The following CHL1 variants were observed in gnomAD, a reference collection of about 807,000 sequenced individuals.
CHL1 encodes the protein neural cell adhesion molecule L1-like protein.
CHL1 carries 96 observed loss-of-function variants against 141.9 expected under a neutral mutation model. The ratio of observed to expected loss-of-function variants is 0.68; its 90% CI spans 0.57 to 0.80. The LOEUF is 0.80. CHL1 is among the 30% of genes least tolerant of loss of function. The pLI is 0.00. For synonymous variants in CHL1, 613 were observed against 502.2 expected (o/e 1.22, Z -2.95); for missense variants, 1,820 against 1,457.2 (o/e 1.25, Z -4.05).
chr3:337,731 T>C (rs1702018947), intron 5 of CHL1, among the ~76,000 whole-genome samples: 1 of 152,200 alleles, frequency 6.6e-6, no homozygotes, highest in African/African-American at 2.4e-5. Context: ...TTCCATGGTG[T>C]ATATGTGCCA....
chr3:227,346 C>T (rs1179577949), intron 1 of CHL1, among the ~76,000 whole-genome samples: 2 of 152,176 alleles, frequency 1.3e-5, no homozygotes, highest in Non-Finnish European at 2.9e-5. Flanking sequence ...CACCTGTGTG[C>T]AAGCTCCAGT....
In CHL1 at chr3:342,067, C is replaced by G; in HGVS notation, c.664C>G (p.Leu222Val). 1 of 1,610,512 alleles carries G rather than the reference C, an allele frequency of 6.2e-7. No individual in the cohort carries two copies. The highest frequency in any genetic ancestry group is 8.5e-7 in the Non-Finnish European group (1 of 1,177,164). The change falls in exon 7 of 28, where the codon CTA becomes GTA. Residue 222 changes from leucine (L) to valine (V), a missense_variant. By Grantham distance (32) the Leu-to-Val change is conservative. Transcript: ENST00000256509. ...TATTGTACAGAAAATGCCAATGAAACTAACAGTTAACAGTTGTAAGTCCAC... is the reference window on the plus strand; with the variant it reads ...TATTGTACAGAAAATGCCAATGAAAGTAACAGTTAACAGTTGTAAGTCCAC... Reference protein sequence around the residue: ...RTIVQKMPMKLTVNSLKHAND... With the variant: ...RTIVQKMPMKVTVNSLKHAND...
rs773873673 is a variant in CHL1 at position 366,085 on chromosome 3, C to A, written c.1721C>A (p.Ala574Asp). Residue 574 changes from alanine to aspartate, a missense_variant, in exon 15 of 28, where the codon GCC becomes GAC. Transcript: ENST00000256509. ...LKLSWSKDGE[A>D]FEINGTEDGR... ...TTGTCCTGGAGTAAAGATGGAGAAG[C>A]CTTTGAAATTAATGGCACAGAAGAT... 4 of 1,613,532 alleles carry A rather than the reference C, an allele frequency of 2.5e-6. No homozygotes were observed. The South Asian group carries it at 3.3e-5, about 13-fold the overall frequency.
At chr3:399,221 T>C (rs1443015414) in intron 26 of CHL1, 73 bp downstream of exon 26, 4 of 1,310,538 alleles carry the variant, frequency 3.1e-6, no homozygotes, top group Non-Finnish European at 4.4e-6. Flanking sequence ...CAGAGACAAC[T>C]TTTTTTAAAA....
At chr3:345,099 A>G (rs1263443701) in intron 9 of CHL1, among the ~76,000 whole-genome samples, 1 of 152,340 alleles carries the variant, frequency 6.6e-6, no homozygotes, top group East Asian at 1.9e-4. Context: ...TTCAGGCAGT[A>G]ACAGGCTCAT....
intron 1 of CHL1, chr3:198,238 C>A (rs72619595): frequency 0.47 from 74,454 of 157,106 alleles, 19,362 homozygotes; most frequent in East Asian, 0.89. Flanking sequence ...GCAGAGAGGG[C>A]GCCCCAGGTT....
chr3:295,955 C>G (rs969059742), intron 2 of CHL1, among the ~76,000 whole-genome samples: 1 of 152,118 alleles, frequency 6.6e-6, no homozygotes, highest in African/African-American at 2.4e-5. Context: ...AACCTTGGTG[C>G]CCCTTCTTCC....
chr3:314,299 C>CTCTT (rs1699983792), intron 2 of CHL1, among the ~76,000 whole-genome samples: 1 of 118,906 alleles, frequency 8.4e-6, no homozygotes, highest in Non-Finnish European at 1.7e-5. Flanking sequence ...CAATCTTGCA[C>CTCTT]TCTCTCTCTT....
Position 279,845 on chromosome 3 carries a change from C to G in CHL1, c.-95+35153C>G, listed in dbSNP as rs542060414. Among the ~76,000 whole-genome samples, 3 of 152,278 alleles carry G rather than the reference C, an allele frequency of 2.0e-5. No individual in the cohort carries two copies. In the South Asian group the frequency reaches 6.2e-4, roughly 32 times the overall value. ...GCTGCTTAGACTTGATTAATAAATG[C>G]TGTATAAATGAAATGCTGAGACAAG... On this transcript the variant is annotated intron_variant, in intron 2 of 27. Coordinates refer to ENST00000256509, the MANE Select transcript of CHL1 (RefSeq NM_006614.4).
rs201772867 is a variant in CHL1 at position 391,740 on chromosome 3, G to A, written c.2857G>A (p.Gly953Arg). 1.2e-6 allele frequency: 2 copies of A among 1,602,294 alleles called. No individual in the cohort carries two copies. The highest frequency in any genetic ancestry group is 4.5e-5 in the East Asian group (2 of 44,674). ...VDKDTATLSW[G>R]LPKKLNGNLT... Reference sequence around the variant, plus strand: ...TAAAGACACTGCCACTTTATCTTGGGGACTACCTAAGAAATTAAATGGAAA... The same window carrying A: ...TAAAGACACTGCCACTTTATCTTGGAGACTACCTAAGAAATTAAATGGAAA... The change falls in exon 23 of 28, where the codon GGA becomes AGA. Residue 953 changes from glycine (G) to arginine (R), a missense_variant. Physicochemically the swap from Gly to Arg is moderately radical, Grantham distance 125. Transcript: ENST00000256509.
In CHL1 at chr3:308,965, C is replaced by G. The variant is rs1265410987; in HGVS notation, c.-94-10718C>G. Reference sequence around the variant, plus strand: ...TCCTCCTCAGGAGTCCGCTGGGCCCCCTTCTTGTGGCCCGGACGGTGCACA... The same window carrying G: ...TCCTCCTCAGGAGTCCGCTGGGCCCGCTTCTTGTGGCCCGGACGGTGCACA... On this transcript the variant is annotated intron_variant, in intron 2 of 27. Transcript: ENST00000256509. 8.5e-5 allele frequency: 13 copies of G among 153,842 alleles called. No homozygotes were observed. The Admixed American group carries it at 8.5e-4, about 10-fold the overall frequency. The allele number at this position is 153,842 out of a possible 1,614,324, so 9.5% of individuals were successfully genotyped here.
Position 202,512 on chromosome 3 carries a change from C to G in CHL1, c.-175+5449C>G, listed in dbSNP as rs368798498. Among the ~76,000 whole-genome samples, 9 of 152,300 alleles carry G rather than the reference C, an allele frequency of 5.9e-5. No homozygotes were observed. The South Asian group carries it at 1.5e-3, about 25-fold the overall frequency. On this transcript the variant is annotated intron_variant, in intron 1 of 27. Coordinates refer to ENST00000256509, the MANE Select transcript of CHL1 (RefSeq NM_006614.4). Reference sequence around the variant, plus strand: ...GAATCGTCTGGAGAGTTCTGTAAAGCTACCAACCCAAATCAATTCAATTAC... The same window carrying G: ...GAATCGTCTGGAGAGTTCTGTAAAGGTACCAACCCAAATCAATTCAATTAC...
rs73009535 is a variant in CHL1, at chr3:325,411, A to C, written c.92-548A>C. Among the ~76,000 whole-genome samples the C allele has an allele frequency of 8.1e-3, 1,231 of 151,862 alleles. 13 individuals carry two copies. Among genetic ancestry groups the C allele is most frequent in the Non-Finnish European group, 0.013 (902 of 67,888 alleles). On this transcript the variant is annotated intron_variant, in intron 3 of 27. Transcript: ENST00000256509. ...TAAATCAGTAATTCAAAAAAGGAAA[A>C]ATCTATTTACTCAAAATTCCTATTG...
intron 1 of CHL1, among the ~76,000 whole-genome samples, chr3:208,373 C>T (rs2124881444): frequency 6.8e-6 from 1 of 148,058 alleles, no homozygotes; most frequent in South Asian, 2.1e-4. Context: ...CATTCCACTT[C>T]CTTTGCCCCT....
intron 2 of CHL1, among the ~76,000 whole-genome samples, chr3:273,844 C>G (rs866790038): frequency 3.3e-4 from 51 of 152,292 alleles, no homozygotes; most frequent in Middle Eastern, 3.4e-3. Flanking sequence ...CCAATCTACT[C>G]TTGCCTATAC....
intron 2 of CHL1, among the ~76,000 whole-genome samples, chr3:278,614 G>A (rs1026194992): frequency 5.9e-5 from 9 of 152,094 alleles, no homozygotes; most frequent in Non-Finnish European, 2.9e-5. Flanking sequence ...TTGATGCGCT[G>A]CTTTTTTTTG....
chr3:199,253 A>G (rs145847274), intron 1 of CHL1, among the ~76,000 whole-genome samples: 141 of 152,340 alleles, frequency 9.3e-4, no homozygotes, highest in African/African-American at 3.3e-3. Flanking sequence ...ATGGAGACAA[A>G]TAGTTATTAC....
At chr3:397,432 G>A (rs1708766872) in intron 24 of CHL1, among the ~76,000 whole-genome samples, 1 of 151,906 alleles carries the variant, frequency 6.6e-6, no homozygotes, top group Middle Eastern at 3.2e-3. Context: ...ACCCCTTGTA[G>A]TCTCAGTAAG....
rs149624563 is a variant in CHL1, at chr3:341,052, T to A, written c.508+136T>A. 1.5e-3 allele frequency: 1,274 copies of A among 874,692 alleles called. 8 individuals are homozygous for A. The highest frequency in any genetic ancestry group is 8.9e-3 in the Middle Eastern group (30 of 3,380). 54.2% of individuals were successfully genotyped at this position (874,692 alleles called of 1,614,324 possible). Reference sequence around the variant, plus strand: ...TTCATATTTGAAGAGGAGATGCTACTAATATGATAAGATTTGTCTGTGAAG... The same window carrying A: ...TTCATATTTGAAGAGGAGATGCTACAAATATGATAAGATTTGTCTGTGAAG... On this transcript the variant is annotated intron_variant, in intron 6 of 27. Coordinates refer to ENST00000256509, the MANE Select transcript of CHL1 (RefSeq NM_006614.4).
Sources: gnomAD v4.1 joint callset for allele counts (sites outside exome capture counted in the v4.1 genomes callset) on GRCh38, gnomAD v4.1.1 for gene constraint, MANE v1.5 for transcripts, NCBI Gene and HGNC (gene_info 2026-07-23, HGNC 2026-07-21) for gene names.